AXIN1: variants seen among roughly 807,000 people sequenced by gnomAD.
AXIN1 encodes the protein axin 1.
AXIN1 carries 30 observed loss-of-function variants against 76.4 expected under a neutral mutation model. The observed-to-expected ratio is 0.39, with a 90% CI of 0.29 to 0.53. AXIN1 has a LOEUF of 0.53. Among genes scored for constraint, AXIN1 ranks in the 20% least tolerant of loss-of-function variants. The pLI, the probability that AXIN1 is intolerant of heterozygous loss-of-function variation, is 0.66. For synonymous variants in AXIN1, 545 were observed against 501.4 expected, an observed-to-expected ratio of 1.09 and a Z score of -1.16; for missense variants, 1,140 against 1,198.8, an observed-to-expected ratio of 0.95 and a Z score of 0.72.
At chr16:326,608 C>T (rs1347472587) in intron 2 of AXIN1, among the ~76,000 whole-genome samples, 2 of 147,232 alleles carry the variant, frequency 1.4e-5, no homozygotes, top group Non-Finnish European at 1.5e-5. Context: ...ATTAGCTGGG[C>T]GTGGTGGCAC....
chr16:323,417 C>T (rs35257937), intron 2 of AXIN1, among the ~76,000 whole-genome samples: 43,382 of 134,452 alleles, frequency 0.32, 7,361 homozygotes, highest in African/African-American at 0.44. Context: ...CCAGCCTGGG[C>T]GACAGAGCGA....
At chr16:321,952 G>A (rs1006352094) in intron 2 of AXIN1, among the ~76,000 whole-genome samples, 5 of 152,228 alleles carry the variant, frequency 3.3e-5, no homozygotes, top group African/African-American at 7.2e-5. Context: ...GCTGTATTCT[G>A]AAAGACAGAG....
intron 7 of AXIN1, among the ~76,000 whole-genome samples, chr16:294,367 G>A (rs2141490026): frequency 6.6e-6 from 1 of 150,678 alleles, no homozygotes; most frequent in African/African-American, 2.5e-5. Context: ...GGAGGCTGAG[G>A]CAGGAGAATC....
chr16:316,453 G>A (rs760359521), intron 2 of AXIN1, among the ~76,000 whole-genome samples: 1 of 152,210 alleles, frequency 6.6e-6, no homozygotes, highest in Non-Finnish European at 1.5e-5. Flanking sequence ...CAACTGGCAT[G>A]TGGACTCTGC....
intron 5 of AXIN1, among the ~76,000 whole-genome samples, chr16:298,775 T>C (rs757640228): frequency 2.6e-5 from 4 of 151,820 alleles, no homozygotes; most frequent in Non-Finnish European, 4.4e-5. Flanking sequence ...CCTGTATATA[T>C]ATATATTTTT....
rs936485168 is a variant in AXIN1, at chr16:293,896, G to A, written c.1956-178C>T. On this transcript the variant is annotated intron_variant, in intron 7 of 10. Coordinates refer to ENST00000262320, the MANE Select transcript of AXIN1 (RefSeq NM_003502.4). This position sits in a 1 kb window ranked among gnomAD's most constrained non-coding sequence, Gnocchi z 4.6. The stretch of plus-strand genomic sequence containing the variant: ...ACAGACCACACAATAAAAACATCCC[G>A]GCCAGGCATGGTGGCTCACACCTGT... Among the ~76,000 whole-genome samples the A allele has an allele frequency of 2.0e-5, 3 of 152,122 alleles. No individual in the cohort carries two copies. The highest frequency in any genetic ancestry group is 4.8e-5 in the African/African-American group (2 of 41,434).
chr16:338,247 G>A (rs1207512445), intron 2 of AXIN1, among the ~76,000 whole-genome samples: 1 of 152,240 alleles, frequency 6.6e-6, no homozygotes, highest in Non-Finnish European at 1.5e-5. Flanking sequence ...ATGTGAGAAT[G>A]GGCTGGGGTG....
Position 298,154 on chromosome 16 carries a change from C to A in AXIN1, c.1352G>T (p.Cys451Phe), listed in dbSNP as rs776159008. ...GAGCCCGGCACAGCCCATGTCCACA[C>A]AGCGGGGCGGGAAGTGGTGCCAAGC... ...APAWHHFPPR[C>F]VDMGCAGLRD... Residue 451 changes from cysteine to phenylalanine, a missense_variant, in exon 6 of 11, where the codon TGT (cysteine) becomes TTT (phenylalanine). Cys to Phe is a radical substitution (Grantham distance 205, BLOSUM62 -2). Around this residue, in one of 3 missense-constraint regions of AXIN1, gnomAD observed 708 missense variants for 776.9 expected, o/e 0.91. Coordinates refer to ENST00000262320, the MANE Select transcript of AXIN1 (RefSeq NM_003502.4). The A allele has an allele frequency of 6.5e-7, 1 of 1,543,454 alleles. No individual in the cohort carries two copies. Among genetic ancestry groups the A allele is most frequent in the Non-Finnish European group, 8.7e-7 (1 of 1,147,652 alleles).
chr16:322,675 G>A (rs1374928292), intron 2 of AXIN1, among the ~76,000 whole-genome samples: 1 of 152,222 alleles, frequency 6.6e-6, no homozygotes, highest in African/African-American at 2.4e-5. Flanking sequence ...GTCCCACAGA[G>A]CCACTGAGGA....
At chr16:296,826 G>A (rs1022422042) in intron 7 of AXIN1, among the ~76,000 whole-genome samples, 5 of 152,092 alleles carry the variant, frequency 3.3e-5, no homozygotes, top group African/African-American at 1.2e-4. Flanking sequence ...CCTCCTGCTC[G>A]GGGCTTCAGG....
rs751638186 is a variant in AXIN1 at position 310,031 on chromosome 16, C to T, written c.1058G>A (p.Arg353His). ...CTGCACGCTCTCCTGCATCTCCCTGCGGTGCTGCTTACGGATCCTGTATGG... is the reference window on the plus strand; with the variant it reads ...CTGCACGCTCTCCTGCATCTCCCTGTGGTGCTGCTTACGGATCCTGTATGG... ...IPPYRIRKQH[R>H]REMQESVQVN... Residue 353 changes from arginine to histidine, a missense_variant, in exon 4 of 11, where the codon CGC becomes CAC. Physicochemically the swap from Arg to His is conservative, Grantham distance 29 (BLOSUM62 0). This residue lies in a region of AXIN1 where 708 missense variants were observed against 776.9 expected (regional missense o/e 0.91). Transcript: ENST00000262320. 11 of 1,613,120 alleles carry T rather than the reference C, an allele frequency of 6.8e-6. No homozygotes were observed. The highest frequency in any genetic ancestry group is 4.0e-5 in the African/African-American group (3 of 74,942).
Position 293,268 on chromosome 16 carries a change from T to G in AXIN1, c.2186+220A>C. 3.3e-6 allele frequency: 2 copies of G among 602,274 alleles called. No homozygotes were observed. Among genetic ancestry groups the G allele is most frequent in the South Asian group, 4.0e-5 (2 of 49,960 alleles). The allele number at this position is 602,274 out of a possible 1,614,324, so 37.3% of individuals were successfully genotyped here. On this transcript the variant is annotated intron_variant, in intron 8 of 10. Transcript: ENST00000262320. The surrounding 1 kb of genome is among the most constrained non-coding windows in gnomAD (Gnocchi z 4.6). ...CTCCAGAGCAATGAGCGCGGCGGCC[T>G]CGGGTGTGTGAAAGCTCCAGCCCCA...
intron 7 of AXIN1, among the ~76,000 whole-genome samples, chr16:295,174 C>T (rs893568763): frequency 5.3e-5 from 8 of 150,380 alleles, no homozygotes; most frequent in African/African-American, 9.8e-5. Context: ...CCTCGGATCT[C>T]GGCTCACTGC....
In AXIN1 at chr16:288,214, A is replaced by C; in HGVS notation, c.2497T>G (p.Cys833Gly). The C allele has an allele frequency of 6.2e-7, 1 of 1,613,710 alleles. No individual in the cohort carries two copies. The highest frequency in any genetic ancestry group is 8.5e-7 in the Non-Finnish European group (1 of 1,180,000). ...YFKKVSDEFD[C>G]GVVFEEVRED... ...CGAACCTCCTCAAACACCACCCCAC[A>C]GTCAAACTCGTCGCTCACTTTCTTG... Residue 833 changes from cysteine to glycine, a missense_variant, in exon 11 of 11, where the codon TGT (cysteine) becomes GGT (glycine). Physicochemically the swap from Cys to Gly is radical, Grantham distance 159 (BLOSUM62 -3). Transcript: ENST00000262320.
intron 2 of AXIN1, among the ~76,000 whole-genome samples, chr16:325,691 C>T (rs1013450289): frequency 2.6e-5 from 4 of 152,056 alleles, no homozygotes; most frequent in Non-Finnish European, 5.9e-5. Context: ...TATGGTCTGT[C>T]CCACGTGGCT....
intron 2 of AXIN1, among the ~76,000 whole-genome samples, chr16:316,118 A>G (rs962697490): frequency 2.6e-5 from 4 of 152,172 alleles, no homozygotes; most frequent in Non-Finnish European, 5.9e-5. Context: ...TTTATTTTCT[A>G]TTTTGGAAAC....
At chr16:346,125 T>A in intron 2 of AXIN1, 23 bp downstream of exon 2, 1 of 1,609,776 alleles carries the variant, frequency 6.2e-7, no homozygotes, top group Admixed American at 1.7e-5. Context: ...GTACAGAAAG[T>A]GGACGCCTGG....
chr16:298,655 G>C (rs545411454), intron 5 of AXIN1, among the ~76,000 whole-genome samples: 3 of 152,180 alleles, frequency 2.0e-5, no homozygotes, highest in Non-Finnish European at 4.4e-5. Context: ...CCACAGCCGT[G>C]TGCCACCACG....
chr16:347,714 G>A (rs1233698480), intron 1 of AXIN1, among the ~76,000 whole-genome samples: 1 of 152,176 alleles, frequency 6.6e-6, no homozygotes, highest in Non-Finnish European at 1.5e-5. Context: ...ACTGCAGGGT[G>A]TTCCTCCGAC....
Sources: gnomAD v4.1 joint callset for allele counts (sites outside exome capture counted in the v4.1 genomes callset) on GRCh38, gnomAD v4.1.1 for gene constraint, gnomAD v4.1.1 regional missense constraint, Gnocchi (gnomAD v3.1) non-coding constraint, MANE v1.5 for transcripts, NCBI Gene and HGNC (gene_info 2026-07-23, HGNC 2026-07-21) for gene names.